CLNK: variants seen among roughly 807,000 people sequenced by gnomAD.
CLNK encodes the protein cytokine-dependent hematopoietic cell linker.
In CLNK, 74 loss-of-function variants were observed where a neutral mutation model predicts 68.6. The observed-to-expected ratio is 1.08, with a 90% confidence interval of 0.89 to 1.31. CLNK has a LOEUF of 1.31. Among genes scored for constraint, CLNK ranks in the 50% most tolerant of loss-of-function variants. The probability of loss-of-function intolerance (pLI) is 0.00; values close to 1 mark genes in which losing one functional copy is unlikely to be tolerated. For missense variants in CLNK, 553 were observed against 515.3 expected (o/e 1.07, Z -0.71); for synonymous variants, 198 against 172.2 (o/e 1.15, Z -1.17).
chr4:10,491,719 C>T (rs901452721), intron 18 of CLNK, among the ~76,000 whole-genome samples: 11 of 152,032 alleles, frequency 7.2e-5, no homozygotes, highest in Admixed American at 5.9e-4. Context: ...AGAGAATGTA[C>T]AGGACCATGC....
chr4:10,720,727 T>C, the CLNK span, among the ~76,000 whole-genome samples: 1 of 123,366 alleles, frequency 8.1e-6, no homozygotes, highest in Non-Finnish European at 1.8e-5. Context: ...ATGTTGAAAA[T>C]GGATCACACA....
intron 14 of CLNK, 87 bp downstream of exon 14, chr4:10,525,754 C>G (rs1718288572): frequency 6.6e-6 from 5 of 758,332 alleles, no homozygotes; most frequent in Non-Finnish European, 6.4e-6. Flanking sequence ...TTTCGTTTCT[C>G]AGAAAGTCTT....
At chr4:10,654,486 G>A (rs1435401653) in intron 2 of CLNK, among the ~76,000 whole-genome samples, 1 of 148,532 alleles carries the variant, frequency 6.7e-6, no homozygotes, top group Non-Finnish European at 1.5e-5. Flanking sequence ...ATTTTGTGGT[G>A]AAACATTAGA....
the CLNK span, among the ~76,000 whole-genome samples, chr4:10,694,485 G>T: frequency 1.3e-5 from 2 of 151,960 alleles, no homozygotes; most frequent in Non-Finnish European, 2.9e-5. Flanking sequence ...TTTTCATGTT[G>T]GATAAGTTTA....
At chr4:10,575,727 C>T (rs1172472985) in intron 4 of CLNK, among the ~76,000 whole-genome samples, 4 of 152,214 alleles carry the variant, frequency 2.6e-5, no homozygotes, top group Non-Finnish European at 5.9e-5. Context: ...GGGCAGAGAC[C>T]CCAAGGCCCA....
intron 2 of CLNK, among the ~76,000 whole-genome samples, chr4:10,604,753 G>A (rs1721724467): frequency 6.6e-6 from 1 of 152,152 alleles, no homozygotes; most frequent in African/African-American, 2.4e-5. Context: ...GTCCACTAAT[G>A]AATTTCCAGC....
intron 18 of CLNK, among the ~76,000 whole-genome samples, chr4:10,497,450 A>G (rs952702777): frequency 6.6e-6 from 1 of 152,236 alleles, no homozygotes; most frequent in Admixed American, 6.5e-5. Context: ...ATTCCAGATG[A>G]ACACAGAAAG....
At chr4:10,602,869 A>C (rs1371096157) in intron 2 of CLNK, among the ~76,000 whole-genome samples, 1 of 152,240 alleles carries the variant, frequency 6.6e-6, no homozygotes, top group African/African-American at 2.4e-5. Context: ...TGGTATAGTC[A>C]AGGAAGGCTT....
At chr4:10,679,507 T>A (rs1194480560) in intron 1 of CLNK, among the ~76,000 whole-genome samples, 5 of 152,128 alleles carry the variant, frequency 3.3e-5, no homozygotes, top group Non-Finnish European at 5.9e-5. Context: ...AAGCCAAAAT[T>A]GACAAATGGG....
intron 1 of CLNK, among the ~76,000 whole-genome samples, chr4:10,683,577 A>C (rs1030792243): frequency 1.3e-5 from 2 of 152,214 alleles, no homozygotes; most frequent in Non-Finnish European, 2.9e-5. Context: ...TAGAGAACTC[A>C]AGTTCTTCAC....
intron 2 of CLNK, among the ~76,000 whole-genome samples, chr4:10,624,727 G>A (rs1722600163): frequency 6.6e-6 from 1 of 151,604 alleles, no homozygotes; most frequent in East Asian, 1.9e-4. Flanking sequence ...GAGAGTTTGA[G>A]CTGCTTCCCA....
the CLNK span, chr4:10,692,167 C>T: frequency 6.6e-6 from 1 of 152,032 alleles, no homozygotes; most frequent in Non-Finnish European, 1.5e-5. Context: ...CCAACATTTT[C>T]CTGTACTTTG....
At chr4:10,674,507 G>C (rs1016011889) in intron 1 of CLNK, among the ~76,000 whole-genome samples, 11 of 152,150 alleles carry the variant, frequency 7.2e-5, no homozygotes, top group Non-Finnish European at 1.2e-4. Flanking sequence ...CATTAATACA[G>C]TTCCCATATA....
chr4:10,654,377 TTG>T (rs1237589459), intron 2 of CLNK, among the ~76,000 whole-genome samples: 4 of 79,982 alleles, frequency 5.0e-5, no homozygotes, highest in African/African-American at 1.4e-4. Context: ...TAAATATATA[TTG>T]ATTAAATATA....
chr4:10,671,539 C>A lies in CLNK; in HGVS notation c.-42-3628G>T, dbSNP rs142119998. On this transcript the variant is annotated intron_variant, in intron 1 of 18. Coordinates refer to ENST00000226951, the MANE Select transcript of CLNK (RefSeq NM_052964.4). ...AGAATGGCTGACACCTTGAAAGCAC[C>A]ATACTCTGATCTAATCTTAGCCATC... Among the ~76,000 whole-genome samples, 691 of 152,252 alleles carry A rather than the reference C, an allele frequency of 4.5e-3. 5 individuals are homozygous for A. The highest frequency in any genetic ancestry group is 0.016 in the African/African-American group (651 of 41,532).
chr4:10,672,002 T>C (rs1162585937), intron 1 of CLNK, among the ~76,000 whole-genome samples: 1 of 152,142 alleles, frequency 6.6e-6, no homozygotes, highest in Non-Finnish European at 1.5e-5. Flanking sequence ...ACTTAGGTCG[T>C]AAGTCAAATA....
the CLNK span, among the ~76,000 whole-genome samples, chr4:10,689,836 A>G: frequency 9.1e-5 from 13 of 143,470 alleles, no homozygotes; most frequent in African/African-American, 3.4e-4. Flanking sequence ...GCACCTGTTT[A>G]CATTGGTGCC....
chr4:10,586,279 C>T (rs1720962715), intron 3 of CLNK, among the ~76,000 whole-genome samples: 1 of 151,420 alleles, frequency 6.6e-6, no homozygotes, highest in African/African-American at 2.4e-5. Context: ...ATGTAAAATG[C>T]TGCTGCTGTG....
At chr4:10,656,978 A>G (rs1367057441) in intron 2 of CLNK, among the ~76,000 whole-genome samples, 1 of 152,246 alleles carries the variant, frequency 6.6e-6, no homozygotes, top group South Asian at 2.1e-4. Flanking sequence ...TAAGATTTAC[A>G]TAGCTCACAT....
Sources: gnomAD v4.1 joint callset for allele counts (sites outside exome capture counted in the v4.1 genomes callset) on GRCh38, gnomAD v4.1.1 for gene constraint, MANE v1.5 for transcripts, NCBI Gene and HGNC (gene_info 2026-07-23, HGNC 2026-07-21) for gene names.